TMEM138: variants seen among roughly 807,000 people sequenced by gnomAD.
The protein encoded by TMEM138 is transmembrane protein 138.
In TMEM138, 9 loss-of-function variants were observed where a neutral mutation model predicts 18.1. That is an observed-to-expected ratio of 0.50 (90% confidence interval 0.30 to 0.87). The LOEUF (loss-of-function observed/expected upper bound fraction) is 0.87, where lower values mean the gene tolerates loss of function less well. Among genes scored for constraint, TMEM138 ranks in the 40% least tolerant of loss-of-function variants. The pLI is 0.06. For missense variants in TMEM138, 189 were observed against 190.6 expected (o/e 0.99, Z 0.05); for synonymous variants, 79 against 74.8 (o/e 1.06, Z -0.29).
downstream of TMEM138, among the ~76,000 whole-genome samples, chr11:61,374,371 A>G (rs7944008): frequency 1 from 151,373 of 151,804 alleles, 75,472 homozygotes; most frequent in Middle Eastern, 1. Flanking sequence ...GGCTGGTCTC[A>G]AACTCCTGAG....
chr11:61,373,001 G>A (rs2135174105), downstream of TMEM138, among the ~76,000 whole-genome samples: 1 of 152,064 alleles, frequency 6.6e-6, no homozygotes, highest in East Asian at 1.9e-4. Context: ...CTGTTTATCT[G>A]TCTATATGCG....
chr11:61,370,498 G>A (rs78554360), downstream of TMEM138, among the ~76,000 whole-genome samples: 1,398 of 152,298 alleles, frequency 9.2e-3, 23 homozygotes, highest in African/African-American at 0.032. Flanking sequence ...GGTCAGTGGG[G>A]ATGCATGAAA....
At chr11:61,366,584 C>T (rs1565078484) in intron 3 of TMEM138, 1 of 172,396 alleles carries the variant, frequency 5.8e-6, no homozygotes, top group Non-Finnish European at 1.2e-5. Context: ...TCTCCTCCCT[C>T]AGTCTCCTGA....
Position 61,368,723 on chromosome 11 carries a change from T to C in TMEM138, c.*14T>C. On this transcript the variant is annotated 3_prime_UTR_variant, in exon 5 of 5. Transcript: ENST00000278826. ...GTTCGAAGGTGACCTCTTGTCACAC[T>C]GATGGATACTTTTCCTTCCTGATAG... is the stretch of plus-strand genomic sequence containing the variant. The C allele has an allele frequency of 6.3e-7, 1 of 1,592,660 alleles. No homozygotes were observed. The highest frequency in any genetic ancestry group is 8.6e-7 in the Non-Finnish European group (1 of 1,160,994).
intron 1 of TMEM138, 34 bp from the exon 2 acceptor site, chr11:61,364,218 A>G (rs1362447669): frequency 1.5e-6 from 1 of 678,250 alleles, no homozygotes; most frequent in African/African-American, 1.8e-5. Context: ...GTATTAATAC[A>G]TTTCTAACCT....
chr11:61,368,344 G>A (rs1035299238), intron 4 of TMEM138: 105 of 507,042 alleles, frequency 2.1e-4, no homozygotes, highest in Non-Finnish European at 3.2e-4. Flanking sequence ...TCCTGCCTCA[G>A]CCTCCGGAGT....
Position 61,368,968 on chromosome 11 carries a change from A to T in TMEM138, c.*259A>T. On this transcript the variant is annotated 3_prime_UTR_variant, in exon 5 of 5. Transcript: ENST00000278826. Reference sequence around the variant, plus strand: ...CCTTCCTTTCCTCTCTGTACCATTCATTCTCCCTGACCGGCCTTTCTTGCC... The same window carrying T: ...CCTTCCTTTCCTCTCTGTACCATTCTTTCTCCCTGACCGGCCTTTCTTGCC... The T allele has an allele frequency of 2.4e-6, 1 of 417,544 alleles. No homozygotes were observed. The highest frequency in any genetic ancestry group is 4.4e-6 in the Non-Finnish European group (1 of 226,262). The allele number at this position is 417,544 out of a possible 1,614,324, so 25.9% of individuals were successfully genotyped here. A position where few individuals can be genotyped will look rare whatever the true frequency, so the allele number is the denominator to read the frequency against.
chr11:61,366,143 A>T lies in TMEM138; in HGVS notation c.227A>T (p.His76Leu), dbSNP rs1411782602. 1.9e-6 allele frequency: 3 copies of T among 1,614,042 alleles called. No individual in the cohort carries two copies. Among genetic ancestry groups the T allele is most frequent in the East Asian group, 2.2e-5 (1 of 44,888 alleles). The change falls in exon 3 of 5, where the codon CAT becomes CTT. Residue 76 changes from histidine to leucine, a missense_variant. His to Leu is a moderately conservative substitution (Grantham distance 99, BLOSUM62 -3). Coordinates refer to ENST00000278826, the MANE Select transcript of TMEM138 (RefSeq NM_016464.5). ...FQAGLVNLLFHKFKGTIILTA... is the reference protein window; with the variant it reads ...FQAGLVNLLFLKFKGTIILTA... ...GCTGGCCTGGTCAACCTCCTATTCC[A>T]TAAGTTCAAAGGGACCATCATCCTG...
chr11:61,363,746 A>C (rs1327632780), intron 1 of TMEM138: 5 of 152,280 alleles, frequency 3.3e-5, no homozygotes, highest in African/African-American at 1.2e-4. Flanking sequence ...AGTTAAGAGC[A>C]CAGACTGTGG....
At chr11:61,362,521 G>A (rs1298073842) in intron 1 of TMEM138, 101 bp downstream of exon 1, 1 of 152,270 alleles carries the variant, frequency 6.6e-6, no homozygotes, top group East Asian at 1.9e-4. Context: ...TGTTTGCCAA[G>A]GAAGCCTCGT....
chr11:61,370,546 TCTCTA>T (rs1364358977), downstream of TMEM138, among the ~76,000 whole-genome samples: 1 of 152,272 alleles, frequency 6.6e-6, no homozygotes, highest in East Asian at 1.9e-4. Flanking sequence ...CCACACCCTG[TCTCTA>T]CTCTGTCTCA....
chr11:61,363,371 C>T (rs1240731297), intron 1 of TMEM138: 1 of 152,196 alleles, frequency 6.6e-6, no homozygotes, highest in African/African-American at 2.4e-5. Context: ...ATTGTAATGG[C>T]TACTTCTCAA....
chr11:61,364,612 G>A (rs988755412), intron 2 of TMEM138, 94 bp downstream of exon 2: 1 of 1,532,842 alleles, frequency 6.5e-7, no homozygotes, highest in African/African-American at 1.4e-5. Flanking sequence ...TAGTAGGCTG[G>A]GTACGGTGGC....
chr11:61,372,425 C>T (rs372482752), downstream of TMEM138, among the ~76,000 whole-genome samples: 2 of 149,876 alleles, frequency 1.3e-5, no homozygotes, highest in South Asian at 2.1e-4. Flanking sequence ...CCTCAGCCTC[C>T]TGAGTTGCTG....
intron 3 of TMEM138, 97 bp downstream of exon 3, chr11:61,366,313 A>G: frequency 7.3e-7 from 1 of 1,364,246 alleles, no homozygotes; most frequent in Non-Finnish European, 9.8e-7. Context: ...TCCTGAGCTC[A>G]AGCAATTCTC....
downstream of TMEM138, among the ~76,000 whole-genome samples, chr11:61,371,482 A>G (rs1285141172): frequency 2.6e-5 from 4 of 151,528 alleles, no homozygotes; most frequent in African/African-American, 9.8e-5. Flanking sequence ...CCCTTTCAAG[A>G]TGTCCTATAA....
At chr11:61,371,481 GA>G (rs532721247), downstream of TMEM138, among the ~76,000 whole-genome samples, 358 of 152,352 alleles carry the variant, frequency 2.3e-3, 1 homozygote, top group African/African-American at 8.0e-3. Flanking sequence ...ACCCTTTCAA[GA>G]TGTCCTATAA....
downstream of TMEM138, among the ~76,000 whole-genome samples, chr11:61,370,025 C>T (rs562358415): frequency 2.6e-5 from 4 of 152,252 alleles, no homozygotes; most frequent in Admixed American, 2.0e-4. Context: ...AAGAATTTGC[C>T]GACAAGGCTT....
At chr11:61,371,829 G>A (rs1858351413), downstream of TMEM138, among the ~76,000 whole-genome samples, 1 of 152,188 alleles carries the variant, frequency 6.6e-6, no homozygotes, top group South Asian at 2.1e-4. Flanking sequence ...CTCAAAAGGG[G>A]AAGCCTTGCA....
Sources: gnomAD v4.1 joint callset for allele counts (sites outside exome capture counted in the v4.1 genomes callset) on GRCh38, gnomAD v4.1.1 for gene constraint, MANE v1.5 for transcripts, NCBI Gene and HGNC (gene_info 2026-07-23, HGNC 2026-07-21) for gene names.